Variants in CYP2A6 observed in about 807,000 individuals in gnomAD.
CYP2A6 encodes cytochrome P450 2A6.
A neutral mutation model predicts 42.3 loss-of-function variants in CYP2A6; 27 were observed. The observed-to-expected ratio is 0.64, with a 90% confidence interval of 0.47 to 0.88. The LOEUF (loss-of-function observed/expected upper bound fraction) is 0.88, where lower values mean the gene tolerates loss of function less well. CYP2A6 is among the 40% of genes least tolerant of loss of function. The pLI is 0.00. For missense variants in CYP2A6, 628 were observed against 646.0 expected (o/e 0.97, Z 0.30); for synonymous variants, 238 against 246.3 (o/e 0.97, Z 0.31).
Position 40,844,635 on chromosome 19 carries a change from G to A in CYP2A6, c.1299C>T (p.Ser433=), listed in dbSNP as rs756649213. ...FKKSDAFVPF[S]IGKRNCFGEG... is the part of the protein sequence containing the mutation. Reference sequence around the variant, plus strand: ...CAGCAAACAGTGGTCTCTTACCGATGGAAAAGGGCACAAAAGCATCACTCT... The same window carrying A: ...CAGCAAACAGTGGTCTCTTACCGATAGAAAAGGGCACAAAAGCATCACTCT... Residue 433 remains serine (S), a synonymous_variant, in exon 8 of 9, where the codon TCC becomes TCT. Coordinates refer to ENST00000301141, the MANE Select transcript of CYP2A6 (RefSeq NM_000762.6). The A allele has an allele frequency of 9.9e-6, 16 of 1,611,470 alleles. No homozygotes were observed. The highest frequency in any genetic ancestry group is 1.4e-5 in the Non-Finnish European group (16 of 1,179,858).
At chr19:40,846,324 TTA>T (rs1967098682) in intron 5 of CYP2A6, among the ~76,000 whole-genome samples, 1 of 150,768 alleles carries the variant, frequency 6.6e-6, no homozygotes, top group African/African-American at 2.5e-5. Context: ...TGTCCTTCAA[TTA>T]TCAACTTAGC....
Position 40,849,931 on chromosome 19 carries a change from C to T in CYP2A6, c.230G>A (p.Arg77Gln), listed in dbSNP as rs201250423. The T allele has an allele frequency of 4.2e-5, 67 of 1,611,430 alleles. 1 individual carries two copies. The highest frequency in any genetic ancestry group is 5.4e-5 in the African/African-American group (4 of 74,596). The change falls in exon 2 of 9, where the codon CGG becomes CAG. Residue 77 changes from arginine to glutamine, a missense_variant. Physicochemically the swap from Arg to Gln is conservative, Grantham distance 43. This residue lies in a region of CYP2A6 where 606 missense variants were observed against 568.1 expected (regional missense o/e 1.07). Coordinates refer to ENST00000301141, the MANE Select transcript of CYP2A6 (RefSeq NM_000762.6). ...ATCATGTCCACACAGCACCACGACC[C>T]GCCGGGGCCCCAAGTGAATGGTGAA... ...PVFTIHLGPR[R>Q]VVVLCGHDAV...
chr19:40,848,879 T>A, intron 2 of CYP2A6, 116 bp from the exon 3 acceptor site: 1 of 1,259,858 alleles, frequency 7.9e-7, no homozygotes, highest in Non-Finnish European at 1.1e-6. Context: ...GGGAGAGAGA[T>A]GGATTCAGCG....
At chr19:40,845,711 T>G (rs2388871) in intron 6 of CYP2A6, among the ~76,000 whole-genome samples, 21 of 150,796 alleles carry the variant, frequency 1.4e-4, no homozygotes, top group East Asian at 1.2e-3. Context: ...GATGACCCGG[T>G]GGAACGGGCA....
chr19:40,847,634 C>T (rs1385701236), intron 4 of CYP2A6, among the ~76,000 whole-genome samples: 1 of 151,548 alleles, frequency 6.6e-6, no homozygotes, highest in Non-Finnish European at 1.5e-5. Context: ...GGTTGGGGAA[C>T]ACTTATTTGT....
Position 40,845,206 on chromosome 19 carries a change from C to G in CYP2A6, c.1161+88G>C, listed in dbSNP as rs763458637. The G allele has an allele frequency of 1.2e-5, 18 of 1,551,162 alleles. No individual in the cohort carries two copies. In the Admixed American group the frequency reaches 1.2e-4, roughly 10 times the overall value. ...ACTGATTGAGGGAGTGGGACAGGGT[C>G]TAGAAAGCTTCTAATGTGGGTGGGA... On this transcript the variant is annotated intron_variant, in intron 7 of 8. Coordinates refer to ENST00000301141, the MANE Select transcript of CYP2A6 (RefSeq NM_000762.6).
chr19:40,845,525 G>C (rs1162088134), intron 6 of CYP2A6, 44 bp from the exon 7 acceptor site: 2 of 1,605,400 alleles, frequency 1.2e-6, no homozygotes, highest in Non-Finnish European at 1.7e-6. Context: ...AGGGGTCTCA[G>C]AGCAGGAAAT....
At position 40,847,165 on chromosome 19, in the gene CYP2A6, C is replaced by T. The variant is rs974996192; in HGVS notation, c.655-114G>A. The T allele has an allele frequency of 2.1e-5, 30 of 1,463,260 alleles. 1 individual carries two copies. The East Asian group carries it at 2.5e-4, about 12-fold the overall frequency. The allele number at this position is 1,463,260 out of a possible 1,614,324, so 90.6% of individuals were successfully genotyped here. A position where few individuals can be genotyped will look rare whatever the true frequency, so the allele number is the denominator to read the frequency against. On this transcript the variant is annotated intron_variant, in intron 4 of 8. Coordinates refer to ENST00000301141, the MANE Select transcript of CYP2A6 (RefSeq NM_000762.6). ...GGAACTGAGTTAAAGGCATCTGTCT[C>T]GTTGTTTAGGTATTTCAGTGGGGCC...
Position 40,843,899 on chromosome 19 carries a change from C to T in CYP2A6, c.1382G>A (p.Arg461His), listed in dbSNP as rs764629023. 3 of 1,612,226 alleles carry T rather than the reference C, an allele frequency of 1.9e-6. No homozygotes were observed. The highest frequency in any genetic ancestry group is 2.3e-5 in the East Asian group (1 of 44,224). ...LFFTTVMQNF[R>H]LKSSQSPKDI... ...CTTAGGTGACTGGGAGGACTTGAGG[C>T]GGAAGTTCTGCATGACGGTGGTGAA... is the stretch of plus-strand genomic sequence containing the variant. The change falls in exon 9 of 9, where the codon CGC becomes CAC. Residue 461 changes from arginine to histidine, a missense_variant. Physicochemically the swap from Arg to His is conservative, Grantham distance 29. Around this residue, in one of 2 missense-constraint regions of CYP2A6, gnomAD observed 22 missense variants for 77.8 expected, o/e 0.28. Coordinates refer to ENST00000301141, the MANE Select transcript of CYP2A6 (RefSeq NM_000762.6).
intron 2 of CYP2A6, among the ~76,000 whole-genome samples, chr19:40,849,011 A>AGAAGAGAGAGGGG (rs1332332247): frequency 2.0e-5 from 1 of 50,722 alleles, no homozygotes; most frequent in Non-Finnish European, 4.0e-5. Context: ...AGAGAGAGAG[A>AGAAGAGAGAGGGG]AGAGAGAGAG....
chr19:40,845,410 T>A lies in CYP2A6; in HGVS notation c.1045A>T (p.Met349Leu), dbSNP rs2083451249. The stretch of plus-strand genomic sequence containing the variant: ...TGGATCACTGCCTCCATGTAGGGCA[T>A]CTTGGCCCGGTCCTCAAACTTGGGC... ...RQPKFEDRAK[M>L]PYMEAVIHEI... The change falls in exon 7 of 9, where the codon ATG (methionine) becomes TTG (leucine). Residue 349 changes from methionine (M) to leucine (L), a missense_variant. Coordinates refer to ENST00000301141, the MANE Select transcript of CYP2A6 (RefSeq NM_000762.6). 1 of 1,611,698 alleles carries A rather than the reference T, an allele frequency of 6.2e-7. No homozygotes were observed. The highest frequency in any genetic ancestry group is 1.1e-5 in the South Asian group (1 of 90,906).
Position 40,847,751 on chromosome 19 carries a change from A to G in CYP2A6, c.654+468T>C, listed in dbSNP as rs930777513. ...TGGGTGAAGTAGAGGGCGCTTGGCC[A>G]GATATTCCAGTGGGCTAATCTGGGA... On this transcript the variant is annotated intron_variant, in intron 4 of 8. Transcript: ENST00000301141. 2.0e-5 allele frequency among the ~76,000 whole-genome samples: 3 copies of G among 151,724 alleles called. No individual in the cohort carries two copies. In the South Asian group the frequency reaches 6.3e-4, roughly 32 times the overall value.
chr19:40,845,880 G>C (rs1390294534), intron 6 of CYP2A6, 76 bp downstream of exon 6: 3 of 1,572,624 alleles, frequency 1.9e-6, no homozygotes, highest in Non-Finnish European at 2.6e-6. Flanking sequence ...ATCTGGGACA[G>C]GTGGGGACAT....
At chr19:40,849,161 G>C (rs569969411) in intron 2 of CYP2A6, among the ~76,000 whole-genome samples, 11 of 150,376 alleles carry the variant, frequency 7.3e-5, no homozygotes, top group African/African-American at 2.7e-4. Flanking sequence ...TAGAAACAGA[G>C]GGATAAGGGG....
At position 40,849,748 on chromosome 19, in the gene CYP2A6, G is replaced by T. The variant is rs1013091388; in HGVS notation, c.343+70C>A. 2.7e-5 allele frequency: 43 copies of T among 1,594,776 alleles called. No individual in the cohort carries two copies. In the Admixed American group the frequency reaches 7.3e-4, roughly 27 times the overall value. ...AGCCTCCAGTTGGCAGGAGAGTCAG[G>T]GAGAAGGCTGGGAACACTGAGACCT... On this transcript the variant is annotated intron_variant, in intron 2 of 8. Transcript: ENST00000301141.
intron 3 of CYP2A6, 25 bp from the exon 4 acceptor site, chr19:40,848,404 G>T: frequency 1.2e-6 from 2 of 1,611,490 alleles, no homozygotes; most frequent in Non-Finnish European, 1.7e-6. Flanking sequence ...GGAGAAGGGG[G>T]TTGGGGAGAG....
In CYP2A6 at chr19:40,848,732, C is replaced by T. The variant is rs1276687744; in HGVS notation, c.375G>A (p.Lys125=). 6.2e-7 allele frequency: 1 copy of T among 1,611,720 alleles called. No homozygotes were observed. Among genetic ancestry groups the T allele is most frequent in the South Asian group, 1.1e-5 (1 of 90,912 alleles). ...GVVFSNGERA[K]QLRRFSIATL... is the part of the protein sequence containing the mutation. ...TGGCGATGGAGAAGCGCCGGAGCTG[C>T]TTGGCGCGCTCCCCGTTGCTGAATA... Residue 125 remains lysine (K), a synonymous_variant, in exon 3 of 9, where the codon AAG becomes AAA. Coordinates refer to ENST00000301141, the MANE Select transcript of CYP2A6 (RefSeq NM_000762.6).
chr19:40,846,631 G>C (rs1230405611), intron 5 of CYP2A6, among the ~76,000 whole-genome samples: 1 of 151,452 alleles, frequency 6.6e-6, no homozygotes, highest in Non-Finnish European at 1.5e-5. Flanking sequence ...TGGATTTTTA[G>C]TAGAGACGGG....
At position 40,848,734 on chromosome 19, in the gene CYP2A6, T is replaced by G. The variant is rs373566142; in HGVS notation, c.373A>C (p.Lys125Gln). 10 of 1,611,606 alleles carry G rather than the reference T, an allele frequency of 6.2e-6. No homozygotes were observed. The highest frequency in any genetic ancestry group is 4.4e-5 in the South Asian group (4 of 90,908). ...GCGATGGAGAAGCGCCGGAGCTGCT[T>G]GGCGCGCTCCCCGTTGCTGAATACC... ...GVVFSNGERA[K>Q]QLRRFSIATL... Residue 125 changes from lysine to glutamine, a missense_variant, in exon 3 of 9, where the codon AAG becomes CAG. Physicochemically the swap from Lys to Gln is moderately conservative, Grantham distance 53. Coordinates refer to ENST00000301141, the MANE Select transcript of CYP2A6 (RefSeq NM_000762.6).
Sources: gnomAD v4.1 joint callset for allele counts (sites outside exome capture counted in the v4.1 genomes callset) on GRCh38, gnomAD v4.1.1 for gene constraint, gnomAD v4.1.1 regional missense constraint, MANE v1.5 for transcripts, NCBI Gene and HGNC (gene_info 2026-07-23, HGNC 2026-07-21) for gene names.